Variants in G2E3 observed in about 807,000 individuals in gnomAD.
G2E3 encodes G2/M phase-specific E3 ubiquitin-protein ligase.
Under a neutral mutation model 92.8 loss-of-function variants are expected in G2E3, and 35 were observed. The observed-to-expected ratio is 0.38, with a 90% CI of 0.29 to 0.50. G2E3 has a LOEUF of 0.50. Ranked by LOEUF, G2E3 falls within the 20% of genes least tolerant of loss-of-function variation. G2E3 has a pLI of 0.94. For missense variants in G2E3, 554 were observed against 823.8 expected, an observed-to-expected ratio of 0.67 and a Z score of 4.01; for synonymous variants, 242 against 272.4, an observed-to-expected ratio of 0.89 and a Z score of 1.10.
chr14:30,563,603 T>C (rs186892927), intron 1 of G2E3, among the ~76,000 whole-genome samples: 1 of 151,336 alleles, frequency 6.6e-6, no homozygotes, highest in Admixed American at 6.6e-5. Context: ...CAATGGGTGG[T>C]AGGGTGGGGT....
chr14:30,603,098 C>T (rs1014823384), intron 10 of G2E3, among the ~76,000 whole-genome samples: 17 of 152,084 alleles, frequency 1.1e-4, no homozygotes, highest in African/African-American at 1.7e-4. Flanking sequence ...GAAACCTAGG[C>T]GGGCGGATCC....
intron 10 of G2E3, among the ~76,000 whole-genome samples, chr14:30,604,826 A>C (rs773422415): frequency 6.6e-6 from 1 of 152,208 alleles, no homozygotes; most frequent in Non-Finnish European, 1.5e-5. Flanking sequence ...TACAATTAAG[A>C]AAGTTAATTA....
intron 11 of G2E3, among the ~76,000 whole-genome samples, chr14:30,607,110 G>A (rs906300912): frequency 1.3e-5 from 2 of 152,076 alleles, no homozygotes; most frequent in Admixed American, 6.5e-5. Flanking sequence ...TTGCATTATA[G>A]TACATCTCTA....
Position 30,605,554 on chromosome 14 carries a change from G to C in G2E3, c.1060G>C (p.Gly354Arg), listed in dbSNP as rs1881792466. The change falls in exon 11 of 15, where the codon GGA (glycine) becomes CGA (arginine). Residue 354 changes from glycine to arginine, a missense_variant. Gly to Arg is a moderately radical substitution (Grantham distance 125). Around this residue, in one of 3 missense-constraint regions of G2E3, gnomAD observed 397 missense variants for 560.3 expected, o/e 0.71. Transcript: ENST00000206595. Reference protein sequence around the residue: ...RNVSTLLIELGFQIKKKTKRL... With the variant: ...RNVSTLLIELRFQIKKKTKRL... The stretch of plus-strand genomic sequence containing the variant: ...TGTATCAACACTATTAATAGAGTTA[G>C]GATTCCAAATTAAAAAAAAAACTAA... 1 of 1,479,056 alleles carries C rather than the reference G, an allele frequency of 6.8e-7. No individual in the cohort carries two copies. Among genetic ancestry groups the C allele is most frequent in the African/African-American group, 1.4e-5 (1 of 70,638 alleles). 91.6% of individuals were successfully genotyped at this position (1,479,056 alleles called of 1,614,324 possible).
rs1566549203 is a variant in G2E3, at chr14:30,605,806, T to C, written c.1312T>C (p.Ser438Pro). Residue 438 changes from serine (S) to proline (P), a missense_variant, in exon 11 of 15, where the codon TCT (serine) becomes CCT (proline). This residue lies in a region of G2E3 where 397 missense variants were observed against 560.3 expected (regional missense o/e 0.71). Coordinates refer to ENST00000206595, the MANE Select transcript of G2E3 (RefSeq NM_017769.5). ...CTTGTCAAAGAACTTGTCTCTAAAT[T>C]CTCAAGGTAATTATTTTATTTATTG... Reference protein sequence around the residue: ...GSLSKNLSLNSQALKENLYYE... With the variant: ...GSLSKNLSLNPQALKENLYYE... 4.6e-6 allele frequency: 7 copies of C among 1,512,506 alleles called. No homozygotes were observed. In the South Asian group the frequency reaches 6.3e-5, roughly 14 times the overall value. The allele number at this position is 1,512,506 out of a possible 1,614,324, so 93.7% of individuals were successfully genotyped here.
chr14:30,606,355 G>A (rs945975016), intron 11 of G2E3, among the ~76,000 whole-genome samples: 1 of 151,830 alleles, frequency 6.6e-6, no homozygotes, highest in African/African-American at 2.4e-5. Flanking sequence ...TTCTCTTTTA[G>A]GGGCTTTTAT....
chr14:30,560,509 G>T (rs945451812), intron 1 of G2E3: 2 of 401,730 alleles, frequency 5.0e-6, no homozygotes, highest in Non-Finnish European at 4.4e-6. Context: ...CGGTGTTTAG[G>T]ATAGTTAAAA....
chr14:30,608,453 A>G (rs1881933995), intron 12 of G2E3, among the ~76,000 whole-genome samples: 1 of 152,212 alleles, frequency 6.6e-6, no homozygotes, highest in Admixed American at 6.5e-5. Flanking sequence ...GTCTGAAGAG[A>G]GGAAGGATTT....
At chr14:30,575,090 T>C (rs952078578) in intron 1 of G2E3, among the ~76,000 whole-genome samples, 2 of 152,194 alleles carry the variant, frequency 1.3e-5, no homozygotes, top group Non-Finnish European at 2.9e-5. Flanking sequence ...GCATCTGTTA[T>C]TTTTTGACTT....
intron 10 of G2E3, among the ~76,000 whole-genome samples, chr14:30,605,185 C>G (rs1046480112): frequency 3.9e-5 from 6 of 152,140 alleles, no homozygotes; most frequent in Non-Finnish European, 7.3e-5. Flanking sequence ...TGTGAGCCAC[C>G]GCGCCTGGCC....
At chr14:30,578,402 C>T (rs907301273) in intron 1 of G2E3, among the ~76,000 whole-genome samples, 1 of 152,072 alleles carries the variant, frequency 6.6e-6, no homozygotes, top group East Asian at 1.9e-4. Context: ...CATCCTAGCC[C>T]AGTCAGCCTA....
At chr14:30,563,186 T>G (rs1471148419) in intron 1 of G2E3, among the ~76,000 whole-genome samples, 2 of 151,500 alleles carry the variant, frequency 1.3e-5, no homozygotes, top group Admixed American at 1.3e-4. Flanking sequence ...TTATGAGTGG[T>G]ATGTTAGATG....
chr14:30,619,416 T>A lies in G2E3; in HGVS notation c.*2882T>A, dbSNP rs1427265725. ...TTATAAGAAAATGATCAGAACAAAA[T>A]CATTACATTATAAACATGTAATTCT... On this transcript the variant is annotated 3_prime_UTR_variant, in exon 15 of 15. Coordinates refer to ENST00000206595, the MANE Select transcript of G2E3 (RefSeq NM_017769.5). The A allele has an allele frequency of 6.6e-6, 1 of 152,136 alleles. No homozygotes were observed. Among genetic ancestry groups the A allele is most frequent in the Non-Finnish European group, 1.5e-5 (1 of 67,960 alleles). 9.4% of individuals were successfully genotyped at this position (152,136 alleles called of 1,614,324 possible).
At chr14:30,594,432 GT>G (rs1881170181) in intron 6 of G2E3, among the ~76,000 whole-genome samples, 1 of 152,200 alleles carries the variant, frequency 6.6e-6, no homozygotes. Context: ...GCTCACGCCT[GT>G]AATCCCAGCA....
At chr14:30,573,188 C>G (rs976514062) in intron 1 of G2E3, among the ~76,000 whole-genome samples, 6 of 151,654 alleles carry the variant, frequency 4.0e-5, no homozygotes, top group African/African-American at 1.5e-4. Flanking sequence ...ATAATTGATT[C>G]ATGAAAAAAA....
rs779352682 is a variant in G2E3 at position 30,601,918 on chromosome 14, A to G, written c.877+24A>G. On this transcript the variant is annotated intron_variant, in intron 9 of 14. Coordinates refer to ENST00000206595, the MANE Select transcript of G2E3 (RefSeq NM_017769.5). ...AGGTAATTTTTTTGTAATTTTGAAT[A>G]AAGTTTTTATTCAAATGTATATGAT... is the stretch of plus-strand genomic sequence containing the variant. The G allele has an allele frequency of 3.1e-6, 5 of 1,608,112 alleles. No individual in the cohort carries two copies. The African/African-American group carries it at 5.4e-5, about 17-fold the overall frequency.
At chr14:30,603,139 A>G (rs1881654807) in intron 10 of G2E3, among the ~76,000 whole-genome samples, 1 of 152,182 alleles carries the variant, frequency 6.6e-6, no homozygotes, top group Non-Finnish European at 1.5e-5. Flanking sequence ...CATCCTGGCC[A>G]ATATGGTGAA....
chr14:30,571,069 T>C (rs551019422), intron 1 of G2E3, among the ~76,000 whole-genome samples: 4 of 152,214 alleles, frequency 2.6e-5, no homozygotes, highest in African/African-American at 9.6e-5. Flanking sequence ...CTCCTCTGTG[T>C]TTTTTCTAGA....
chr14:30,600,902 A>G (rs916882540), intron 8 of G2E3, among the ~76,000 whole-genome samples: 4 of 152,178 alleles, frequency 2.6e-5, no homozygotes, highest in Non-Finnish European at 1.5e-5. Context: ...ACCTTCTACA[A>G]TTGTGAGGAT....
Sources: gnomAD v4.1 joint callset for allele counts (sites outside exome capture counted in the v4.1 genomes callset) on GRCh38, gnomAD v4.1.1 for gene constraint, gnomAD v4.1.1 regional missense constraint, MANE v1.5 for transcripts, NCBI Gene and HGNC (gene_info 2026-07-23, HGNC 2026-07-21) for gene names.